The following SLC35F1 variants were observed in gnomAD, a reference collection of about 807,000 sequenced individuals.
SLC35F1 encodes chromosome 6 open reading frame 169.
SLC35F1 carries 14 observed loss-of-function variants against 48.7 expected under a neutral mutation model. That is an observed-to-expected ratio of 0.29 (90% CI 0.19 to 0.45). The LOEUF is 0.45. SLC35F1 is among the 20% of genes least tolerant of loss of function. SLC35F1 has a pLI of 1.00. For missense variants in SLC35F1, 404 were observed against 500.0 expected (o/e 0.81, Z 1.83); for synonymous variants, 190 against 202.2 (o/e 0.94, Z 0.51).
At chr6:118,185,056 T>C (rs1472389011) in intron 2 of SLC35F1, among the ~76,000 whole-genome samples, 1 of 152,114 alleles carries the variant, frequency 6.6e-6, no homozygotes, top group Non-Finnish European at 1.5e-5. Flanking sequence ...GAAGCACAGG[T>C]ATACTTTTTT....
At chr6:118,102,128 G>A (rs1203167574) in intron 1 of SLC35F1, among the ~76,000 whole-genome samples, 2 of 152,174 alleles carry the variant, frequency 1.3e-5, no homozygotes, top group African/African-American at 4.8e-5. Flanking sequence ...TAATGCTGCT[G>A]ATGTAAGCAA....
intron 6 of SLC35F1, among the ~76,000 whole-genome samples, chr6:118,281,202 C>CTATATATATATATATA (rs1385900669): frequency 7.9e-6 from 1 of 127,298 alleles, no homozygotes; most frequent in African/African-American, 3.0e-5. Context: ...CTCTCTCTCT[C>CTATATATATATATATA]TCTATATATA....
intron 1 of SLC35F1, among the ~76,000 whole-genome samples, chr6:117,958,451 C>A (rs115866281): frequency 0.012 from 1,761 of 152,286 alleles, 31 homozygotes; most frequent in African/African-American, 0.037. Flanking sequence ...CTGACTCACC[C>A]AGAGAAACTT....
chr6:118,306,579 G>A (rs1177490061), intron 7 of SLC35F1, among the ~76,000 whole-genome samples: 2 of 152,158 alleles, frequency 1.3e-5, no homozygotes, highest in African/African-American at 4.8e-5. Context: ...CCACACAAAT[G>A]TAATGTCTTT....
chr6:118,245,536 G>A (rs1775496275), intron 3 of SLC35F1, among the ~76,000 whole-genome samples: 1 of 152,158 alleles, frequency 6.6e-6, no homozygotes, highest in Admixed American at 6.6e-5. Context: ...CCTCCCAGCA[G>A]TTGTCTCTCT....
At chr6:118,257,419 G>A (rs1775659808) in intron 3 of SLC35F1, among the ~76,000 whole-genome samples, 1 of 152,148 alleles carries the variant, frequency 6.6e-6, no homozygotes, top group Admixed American at 6.6e-5. Flanking sequence ...AGGATATCTG[G>A]CTAAGAAAGT....
At chr6:118,243,862 C>G (rs1775471286) in intron 3 of SLC35F1, among the ~76,000 whole-genome samples, 1 of 152,152 alleles carries the variant, frequency 6.6e-6, no homozygotes, top group African/African-American at 2.4e-5. Flanking sequence ...TGATGCAGGA[C>G]TATGGAAGTT....
intron 3 of SLC35F1, among the ~76,000 whole-genome samples, chr6:118,256,371 G>A (rs1775646550): frequency 6.6e-6 from 1 of 152,088 alleles, no homozygotes; most frequent in Non-Finnish European, 1.5e-5. Context: ...TAGAAGCAGA[G>A]GAAGGGAGAG....
intron 3 of SLC35F1, among the ~76,000 whole-genome samples, chr6:118,257,361 G>T (rs1205449679): frequency 2.0e-5 from 3 of 150,736 alleles, no homozygotes; most frequent in Non-Finnish European, 4.4e-5. Context: ...TCCCTTGCTG[G>T]AAAGACCCCT....
chr6:118,222,134 C>T (rs528075767), intron 2 of SLC35F1, among the ~76,000 whole-genome samples: 1 of 152,236 alleles, frequency 6.6e-6, no homozygotes, highest in East Asian at 1.9e-4. Context: ...GCACACATAT[C>T]CCCTGGGAAT....
intron 2 of SLC35F1, among the ~76,000 whole-genome samples, chr6:118,187,832 A>G (rs577594158): frequency 2.0e-5 from 3 of 152,356 alleles, no homozygotes; most frequent in African/African-American, 7.2e-5. Flanking sequence ...CACATGGAAG[A>G]TGTCAACTTA....
At chr6:118,240,851 A>T (rs1034580861) in intron 3 of SLC35F1, among the ~76,000 whole-genome samples, 3 of 152,178 alleles carry the variant, frequency 2.0e-5, no homozygotes, top group African/African-American at 7.2e-5. Flanking sequence ...CTGGGCAAGG[A>T]CACCAAAGAG....
intron 2 of SLC35F1, among the ~76,000 whole-genome samples, chr6:118,229,822 A>G (rs1313220514): frequency 1.3e-5 from 2 of 152,198 alleles, no homozygotes; most frequent in East Asian, 3.9e-4. Flanking sequence ...AAATTATAAA[A>G]CACATTTGAT....
chr6:118,235,685 T>A (rs1175761573), intron 3 of SLC35F1, 49 bp downstream of exon 3: 1 of 1,589,264 alleles, frequency 6.3e-7, no homozygotes, highest in South Asian at 1.1e-5. Flanking sequence ...CCAGATGTAG[T>A]TTACTTTCAG....
chr6:118,185,707 C>A (rs1034337043), intron 2 of SLC35F1, among the ~76,000 whole-genome samples: 6 of 152,084 alleles, frequency 3.9e-5, no homozygotes, highest in Non-Finnish European at 5.9e-5. Context: ...TCAGACAAGG[C>A]CACCTAGACA....
rs1348443625 is a variant in SLC35F1 at position 118,275,450 on chromosome 6, G to T, written c.638-9G>T. On this transcript the variant is annotated splice_polypyrimidine_tract_variant and intron_variant, in intron 4 of 7. Transcript: ENST00000360388. ...GCTCCCTCTGTTTGTTTGTTTGGTT[G>T]GTTCCTAGGGGAAAATAAGCTGGTA... is the stretch of plus-strand genomic sequence containing the variant. The T allele has an allele frequency of 2.5e-6, 4 of 1,602,482 alleles. No individual in the cohort carries two copies. The highest frequency in any genetic ancestry group is 3.4e-6 in the Non-Finnish European group (4 of 1,175,368).
chr6:118,118,608 G>A (rs1320265801), intron 1 of SLC35F1, among the ~76,000 whole-genome samples: 1 of 152,146 alleles, frequency 6.6e-6, no homozygotes. Context: ...TATTTTGTGA[G>A]ACATCTCTTC....
chr6:117,937,041 A>T (rs1480569572), intron 1 of SLC35F1, among the ~76,000 whole-genome samples: 6 of 152,192 alleles, frequency 3.9e-5, no homozygotes, highest in African/African-American at 7.2e-5. Context: ...TTTATGGTTC[A>T]TTATCTCACT....
In SLC35F1 at chr6:118,198,514, T is replaced by A. The variant is rs141568602; in HGVS notation, c.350-36995T>A. 2.0e-5 allele frequency among the ~76,000 whole-genome samples: 3 copies of A among 152,322 alleles called. No individual in the cohort carries two copies. In the East Asian group the frequency reaches 5.8e-4, roughly 29 times the overall value. ...CAAATTAGTGAAAGGTAAAAAATAT[T>A]CTTATTTATCCCACTGCAATTTTTA... On this transcript the variant is annotated intron_variant, in intron 2 of 7. Transcript: ENST00000360388.
Sources: gnomAD v4.1 joint callset for allele counts (sites outside exome capture counted in the v4.1 genomes callset) on GRCh38, gnomAD v4.1.1 for gene constraint, MANE v1.5 for transcripts, NCBI Gene and HGNC (gene_info 2026-07-23, HGNC 2026-07-21) for gene names.